The following MTBP variants were observed in gnomAD, a reference collection of about 807,000 sequenced individuals.
The protein encoded by MTBP is mdm2-binding protein.
In MTBP, 101 loss-of-function variants were observed where a neutral mutation model predicts 117.0. The observed-to-expected ratio is 0.86, with a 90% CI of 0.73 to 1.02. The LOEUF (loss-of-function observed/expected upper bound fraction) is 1.02. Among genes scored for constraint, MTBP ranks in the 50% least tolerant of loss-of-function variants. The pLI, the probability that MTBP is intolerant of heterozygous loss-of-function variation, is 0.00. For synonymous variants in MTBP, 350 were observed against 351.5 expected (o/e 1.00, Z 0.05); for missense variants, 970 against 1,030.9 (o/e 0.94, Z 0.81).
At chr8:120,491,959 G>T (rs1814355439) in intron 13 of MTBP, among the ~76,000 whole-genome samples, 2 of 152,220 alleles carry the variant, frequency 1.3e-5, no homozygotes, top group South Asian at 4.1e-4. Flanking sequence ...TGAGTGAAAA[G>T]TTCAACAGAG....
intron 16 of MTBP, among the ~76,000 whole-genome samples, chr8:120,509,392 A>G (rs1814754275): frequency 6.6e-6 from 1 of 152,194 alleles, no homozygotes; most frequent in Non-Finnish European, 1.5e-5. Flanking sequence ...ACTTGAGGTC[A>G]GGAGTTTGAG....
At chr8:120,496,540 G>A (rs549081542) in intron 13 of MTBP, among the ~76,000 whole-genome samples, 2 of 152,162 alleles carry the variant, frequency 1.3e-5, no homozygotes, top group South Asian at 4.2e-4. Flanking sequence ...ACAGCATTCA[G>A]TTTAACCAAA....
At chr8:120,461,351 T>C in intron 9 of MTBP, 96 bp downstream of exon 9, 1 of 807,424 alleles carries the variant, frequency 1.2e-6, no homozygotes, top group Non-Finnish European at 2.0e-6. Flanking sequence ...TAGGTATATC[T>C]TTTTCATTAT....
At chr8:120,459,381 T>C in intron 8 of MTBP, 32 bp downstream of exon 8, 1 of 1,575,820 alleles carries the variant, frequency 6.3e-7, no homozygotes, top group Non-Finnish European at 8.6e-7. Flanking sequence ...GTGTGATCAT[T>C]CATGTGTATT....
chr8:120,446,438 A>C lies in MTBP; in HGVS notation c.124A>C (p.Thr42Pro), dbSNP rs1813228791. 3 of 1,603,584 alleles carry C rather than the reference A, an allele frequency of 1.9e-6. No homozygotes were observed. Among genetic ancestry groups the C allele is most frequent in the Non-Finnish European group, 2.6e-6 (3 of 1,170,844 alleles). The change falls in exon 2 of 22, where the codon ACA (threonine) becomes CCA (proline). Residue 42 changes from threonine (T) to proline (P), a missense_variant. Physicochemically the swap from Thr to Pro is conservative, Grantham distance 38 (BLOSUM62 -1). Transcript: ENST00000305949. ...GTCTATCTTTTCTTTTTCAGACTTC[A>C]CAGCAGCAAATGTTTATCACCTCTT... is the stretch of plus-strand genomic sequence containing the variant. ...GEGTENQPDF[T>P]AANVYHLLKR...
At chr8:120,510,616 T>G (rs754283018) in intron 17 of MTBP, among the ~76,000 whole-genome samples, 46 of 152,132 alleles carry the variant, frequency 3.0e-4, no homozygotes, top group Non-Finnish European at 5.1e-4. Context: ...AAATAAGGAT[T>G]TGAGGCCAGA....
intron 11 of MTBP, among the ~76,000 whole-genome samples, chr8:120,475,191 A>G (rs549576270): frequency 4.6e-5 from 7 of 151,638 alleles, no homozygotes; most frequent in Non-Finnish European, 1.0e-4. Context: ...CTCTTTTAGG[A>G]CCTTTTTTGC....
intron 20 of MTBP, 97 bp downstream of exon 20, chr8:120,518,914 G>C (rs13269481): frequency 1.6e-5 from 11 of 674,718 alleles, no homozygotes; most frequent in Non-Finnish European, 2.2e-5. Context: ...TACTGAGAGC[G>C]TATACTTGCT....
chr8:120,507,047 G>C (rs1563803797), intron 16 of MTBP, among the ~76,000 whole-genome samples, 186 bp downstream of exon 16: 1 of 151,916 alleles, frequency 6.6e-6, no homozygotes, highest in Non-Finnish European at 1.5e-5. Flanking sequence ...ACTGTTTTGT[G>C]GTATTGAATA....
At chr8:120,506,411 A>G (rs1480349004) in intron 15 of MTBP, among the ~76,000 whole-genome samples, 1 of 152,210 alleles carries the variant, frequency 6.6e-6, no homozygotes, top group African/African-American at 2.4e-5. Flanking sequence ...GCCATCATTA[A>G]TAGATAATGT....
chr8:120,520,981 T>TA (rs1374377965), intron 20 of MTBP, among the ~76,000 whole-genome samples: 1 of 152,070 alleles, frequency 6.6e-6, no homozygotes, highest in Admixed American at 6.6e-5. Flanking sequence ...AACAAGGGAC[T>TA]AAATCAAGAA....
chr8:120,446,785 A>G (rs1420569729), intron 2 of MTBP, among the ~76,000 whole-genome samples: 4 of 152,158 alleles, frequency 2.6e-5, no homozygotes, highest in Non-Finnish European at 5.9e-5. Flanking sequence ...AGTTCTGTAT[A>G]ACTAAGGGGA....
At position 120,451,267 on chromosome 8, in the gene MTBP, G is replaced by A. The variant is rs377570872; in HGVS notation, c.370G>A (p.Val124Ile). Residue 124 changes from valine (V) to isoleucine (I), a missense_variant, in exon 4 of 22, where the codon GTT becomes ATT. Coordinates refer to ENST00000305949, the MANE Select transcript of MTBP (RefSeq NM_022045.5). Reference protein sequence around the residue: ...QTNIEECLGAVECFEEEDSNS... With the variant: ...QTNIEECLGAIECFEEEDSNS... ...GAATATCGAAGAATGTTTGGGTGCT[G>A]TTGAGTGTTTTGAAGAAGAAGACAG... 7.4e-6 allele frequency: 12 copies of A among 1,612,946 alleles called. No homozygotes were observed. The African/African-American group carries it at 1.1e-4, about 14-fold the overall frequency.
At chr8:120,514,682 G>T (rs1305999948) in intron 17 of MTBP, among the ~76,000 whole-genome samples, 1 of 151,992 alleles carries the variant, frequency 6.6e-6, no homozygotes, top group African/African-American at 2.4e-5. Flanking sequence ...TCAGCATACT[G>T]CCAGCTTTAC....
At chr8:120,452,705 C>T (rs1586936846) in intron 4 of MTBP, 1 of 151,946 alleles carries the variant, frequency 6.6e-6, no homozygotes, top group East Asian at 1.9e-4. Flanking sequence ...TGGCAGGTGT[C>T]TGTAATCTCA....
At chr8:120,504,633 T>G (rs1471516155) in intron 15 of MTBP, among the ~76,000 whole-genome samples, 1 of 152,114 alleles carries the variant, frequency 6.6e-6, no homozygotes, top group Non-Finnish European at 1.5e-5. Flanking sequence ...ATGAGATGTT[T>G]TAGATTCAAG....
chr8:120,455,000 C>T (rs1042807163), intron 5 of MTBP, among the ~76,000 whole-genome samples: 1 of 151,692 alleles, frequency 6.6e-6, no homozygotes. Flanking sequence ...TTGAACATTA[C>T]AGTTTTGCAC....
In MTBP at chr8:120,516,133, G is replaced by C; in HGVS notation, c.2188G>C (p.Glu730Gln). Residue 730 changes from glutamate (E) to glutamine (Q), a missense_variant, in exon 18 of 22, where the codon GAA becomes CAA. Coordinates refer to ENST00000305949, the MANE Select transcript of MTBP (RefSeq NM_022045.5). The stretch of plus-strand genomic sequence containing the variant: ...AGTTTTACAAAATGAACTTCGAACT[G>C]AAGTATCCCGATTGAAACGGAGATC... ...GEVLQNELRTEVSRLKRRSKD... is the reference protein window; with the variant it reads ...GEVLQNELRTQVSRLKRRSKD... 6.2e-7 allele frequency: 1 copy of C among 1,612,688 alleles called. No homozygotes were observed. The highest frequency in any genetic ancestry group is 8.5e-7 in the Non-Finnish European group (1 of 1,179,042).
At chr8:120,461,859 T>C (rs1177178633) in intron 9 of MTBP, among the ~76,000 whole-genome samples, 2 of 152,208 alleles carry the variant, frequency 1.3e-5, no homozygotes, top group Non-Finnish European at 2.9e-5. Context: ...CAATATATCA[T>C]AGCATAGAGT....
Sources: allele counts gnomAD v4.1 joint callset (sites outside exome capture counted in the v4.1 genomes callset), GRCh38; gene constraint gnomAD v4.1.1; transcripts MANE v1.5; gene names NCBI Gene and HGNC (gene_info 2026-07-23, HGNC 2026-07-21).